Variants in ZFYVE28 observed in about 807,000 individuals in gnomAD.
ZFYVE28 encodes zinc finger FYVE-type containing 28, also known as lateral signaling target protein 2 homolog.
A neutral mutation model predicts 82.1 loss-of-function variants in ZFYVE28; 40 were observed. The observed-to-expected ratio is 0.49, with a 90% CI of 0.38 to 0.63. The LOEUF (loss-of-function observed/expected upper bound fraction) is 0.63, where lower values mean the gene tolerates loss of function less well. Ranked by LOEUF, ZFYVE28 falls within the 30% of genes least tolerant of loss-of-function variation. The pLI, the probability that ZFYVE28 is intolerant of heterozygous loss-of-function variation, is 0.00. For missense variants in ZFYVE28, 1,321 were observed against 1,242.1 expected, an observed-to-expected ratio of 1.06 and a Z score of -0.96; for synonymous variants, 612 against 546.1, an observed-to-expected ratio of 1.12 and a Z score of -1.68.
At chr4:2,312,596 C>T (rs1717621437) in intron 7 of ZFYVE28, among the ~76,000 whole-genome samples, 2 of 151,614 alleles carry the variant, frequency 1.3e-5, no homozygotes, top group African/African-American at 2.4e-5. Context: ...GGTGTGGTGG[C>T]GGGCGCCTGT....
chr4:2,405,559 AG>A (rs1731792124), intron 1 of ZFYVE28, among the ~76,000 whole-genome samples: 1 of 152,224 alleles, frequency 6.6e-6, no homozygotes, highest in Non-Finnish European at 1.5e-5. Context: ...GAGCAGGCCC[AG>A]GCTCTGAGAT....
chr4:2,400,518 A>T (rs1461900139), intron 1 of ZFYVE28, among the ~76,000 whole-genome samples: 3 of 152,110 alleles, frequency 2.0e-5, no homozygotes, highest in African/African-American at 4.8e-5. Context: ...TTGCCTGGGT[A>T]TATTAGTCAG....
At chr4:2,412,110 G>A (rs376694759) in intron 1 of ZFYVE28, among the ~76,000 whole-genome samples, 9 of 152,290 alleles carry the variant, frequency 5.9e-5, no homozygotes, top group African/African-American at 1.9e-4. Flanking sequence ...CCAGATCCAC[G>A]GGGATGCCTG....
intron 1 of ZFYVE28, among the ~76,000 whole-genome samples, chr4:2,360,437 GCA>G (rs1314511737): frequency 1.4e-5 from 2 of 137,976 alleles, no homozygotes; most frequent in African/African-American, 5.4e-5. Flanking sequence ...AGGCACGCAC[GCA>G]CACACAGAAA....
intron 1 of ZFYVE28, chr4:2,364,930 G>A (rs1274961406): frequency 3.1e-6 from 3 of 983,060 alleles, no homozygotes; most frequent in African/African-American, 1.8e-5. Context: ...CGGGGGCGGG[G>A]CCCAGCAGGG....
intron 8 of ZFYVE28, among the ~76,000 whole-genome samples, chr4:2,284,488 T>C (rs1021332407): frequency 1.3e-5 from 2 of 152,070 alleles, no homozygotes; most frequent in African/African-American, 2.4e-5. Context: ...ATTTCACCAA[T>C]GAGATGGAGA....
chr4:2,402,081 GGTA>G (rs1287543758), intron 1 of ZFYVE28, among the ~76,000 whole-genome samples: 7 of 152,178 alleles, frequency 4.6e-5, no homozygotes, highest in Admixed American at 2.0e-4. Flanking sequence ...GAGGGACAGT[GGTA>G]GCAGCTTTTA....
intron 1 of ZFYVE28, among the ~76,000 whole-genome samples, chr4:2,374,376 C>T (rs1332805537): frequency 6.6e-6 from 1 of 152,162 alleles, no homozygotes; most frequent in Non-Finnish European, 1.5e-5. Context: ...TTTTGGACGG[C>T]CAAGGCGGGA....
chr4:2,292,145 C>T (rs1241567334), intron 8 of ZFYVE28, among the ~76,000 whole-genome samples: 1 of 152,220 alleles, frequency 6.6e-6, no homozygotes, highest in South Asian at 2.1e-4. Context: ...GAGGCACAGG[C>T]TGAACCCTGG....
intron 1 of ZFYVE28, among the ~76,000 whole-genome samples, chr4:2,396,025 G>C (rs1198707797): frequency 2.0e-5 from 3 of 152,130 alleles, no homozygotes. Flanking sequence ...TGCTAAATCA[G>C]GATTTAAGGG....
chr4:2,276,138 C>T (rs1307105731), intron 8 of ZFYVE28, among the ~76,000 whole-genome samples: 1 of 152,038 alleles, frequency 6.6e-6, no homozygotes, highest in African/African-American at 2.4e-5. Flanking sequence ...CAGCGGGCTG[C>T]GGCAGAGCGG....
chr4:2,327,321 G>C (rs1720041230), intron 6 of ZFYVE28, among the ~76,000 whole-genome samples: 1 of 125,240 alleles, frequency 8.0e-6, no homozygotes. Context: ...GAATAAAGTT[G>C]CCATCAAACA....
At position 2,308,433 on chromosome 4, in the gene ZFYVE28, G is replaced by A. The variant is rs774065963; in HGVS notation, c.804-2897C>T. 2.6e-4 allele frequency among the ~76,000 whole-genome samples: 36 copies of A among 140,582 alleles called. 1 individual carries two copies. Among genetic ancestry groups the A allele is most frequent in the South Asian group, 2.1e-3 (9 of 4,374 alleles). The allele number at this position is 140,582 out of a possible 152,430, so 92.2% of individuals were successfully genotyped here. ...ACAGACAACGTTCTGCTGCTGCTTG[G>A]CTATTCCAGGCCCCTTGCATCTCCA... On this transcript the variant is annotated intron_variant, in intron 7 of 12. Transcript: ENST00000290974.
Position 2,274,016 on chromosome 4 carries a change from C to T in ZFYVE28, c.2206+46G>A, listed in dbSNP as rs1186180109. ...GCCTGACCTCCCCTAAAGCGCAGCC[C>T]GTGTGTCCTCAAGCCATGCACCGGT... On this transcript the variant is annotated intron_variant, in intron 9 of 12. Coordinates refer to ENST00000290974, the MANE Select transcript of ZFYVE28 (RefSeq NM_020972.3). 5 of 1,602,464 alleles carry T rather than the reference C, an allele frequency of 3.1e-6. No individual in the cohort carries two copies. The Admixed American group carries it at 5.0e-5, about 16-fold the overall frequency.
intron 8 of ZFYVE28, among the ~76,000 whole-genome samples, chr4:2,290,721 C>T (rs1489922296): frequency 6.6e-6 from 1 of 152,130 alleles, no homozygotes; most frequent in Non-Finnish European, 1.5e-5. Context: ...CAGGGCTGGG[C>T]CAGGGGCCAG....
chr4:2,281,328 A>T (rs932539974), intron 8 of ZFYVE28, among the ~76,000 whole-genome samples: 2 of 152,034 alleles, frequency 1.3e-5, no homozygotes, highest in Non-Finnish European at 2.9e-5. Flanking sequence ...TCCTGGGGCC[A>T]TGTGGATGGG....
chr4:2,381,963 T>C lies in ZFYVE28; in HGVS notation c.40-27890A>G, dbSNP rs1471781262. 2.0e-5 allele frequency among the ~76,000 whole-genome samples: 3 copies of C among 152,352 alleles called. No individual in the cohort carries two copies. In the East Asian group the frequency reaches 5.8e-4, roughly 29 times the overall value. On this transcript the variant is annotated intron_variant, in intron 1 of 12. Coordinates refer to ENST00000290974, the MANE Select transcript of ZFYVE28 (RefSeq NM_020972.3). ...GGGACTTGGTGCCCTGTGTCCCAGC[T>C]GCTCCAGCCATGGCTGAAAGGGGTC...
chr4:2,274,201 C>T lies in ZFYVE28; in HGVS notation c.2067G>A (p.Gly689=). The T allele has an allele frequency of 1.2e-6, 2 of 1,613,482 alleles. No homozygotes were observed. The highest frequency in any genetic ancestry group is 1.7e-6 in the Non-Finnish European group (2 of 1,179,782). The change falls in exon 9 of 13, where the codon GGG becomes GGA. Residue 689 remains glycine, a synonymous_variant. Transcript: ENST00000290974. ...GCCCCATCTTGTCTGAGGAGCAGGA[C>T]CCAGCTGTGGAGCTGCTGCATGGAG... is the stretch of plus-strand genomic sequence containing the variant. ...ALSGSSSSTA[G]SCSSDKMGPE...
In ZFYVE28 at chr4:2,304,851, C is replaced by A; in HGVS notation, c.1489G>T (p.Asp497Tyr). The part of the protein sequence containing the change: ...HLDGWEVGAD[D>Y]AETAEMIAHR... ...GCGATCATCTCAGCCGTCTCTGCGT[C>A]ATCCGCACCCACCTCCCAGCCGTCC... The change falls in exon 8 of 13, where the codon GAC (aspartate) becomes TAC (tyrosine). Residue 497 changes from aspartate to tyrosine, a missense_variant. This residue lies in a region of ZFYVE28 where 978 missense variants were observed against 833.7 expected (regional missense o/e 1.17). Coordinates refer to ENST00000290974, the MANE Select transcript of ZFYVE28 (RefSeq NM_020972.3). 5 of 1,612,684 alleles carry A rather than the reference C, an allele frequency of 3.1e-6. No homozygotes were observed. Among genetic ancestry groups the A allele is most frequent in the Non-Finnish European group, 4.2e-6 (5 of 1,179,888 alleles).
Sources: gnomAD v4.1 joint callset for allele counts (sites outside exome capture counted in the v4.1 genomes callset) on GRCh38, gnomAD v4.1.1 for gene constraint, gnomAD v4.1.1 regional missense constraint, MANE v1.5 for transcripts, NCBI Gene and HGNC (gene_info 2026-07-23, HGNC 2026-07-21) for gene names.